AGO1: variants seen among roughly 807,000 people sequenced by gnomAD.
The protein encoded by AGO1 is argonaute RISC component 1, also known as protein argonaute-1.
A neutral mutation model predicts 109.2 loss-of-function variants in AGO1; 11 were observed. The observed-to-expected ratio is 0.10, with a 90% CI of 0.06 to 0.17. AGO1 has a LOEUF of 0.17. Among genes scored for constraint, AGO1 ranks in the 10% least tolerant of loss-of-function variants. AGO1 has a pLI of 1.00. For missense variants in AGO1, 574 were observed against 1,140.3 expected (o/e 0.50, Z 7.15); for synonymous variants, 422 against 418.6 (o/e 1.01, Z -0.10).
intron 8 of AGO1, among the ~76,000 whole-genome samples, chr1:35,897,130 G>T (rs1337791097): frequency 1.3e-5 from 2 of 152,194 alleles, no homozygotes; most frequent in Non-Finnish European, 2.9e-5. Flanking sequence ...CTAGAAGGGG[G>T]AGATAGACAA....
chr1:35,870,201 G>A (rs1014718580), intron 1 of AGO1, among the ~76,000 whole-genome samples: 1 of 151,994 alleles, frequency 6.6e-6, no homozygotes, highest in African/African-American at 2.4e-5. Flanking sequence ...CTAATCTCAG[G>A]TCACACTGCT....
intron 11 of AGO1, among the ~76,000 whole-genome samples, chr1:35,906,398 T>C (rs895623878): frequency 6.6e-6 from 1 of 152,226 alleles, no homozygotes; most frequent in Non-Finnish European, 1.5e-5. Context: ...GGGTCCCTTT[T>C]CTGGGCTTCC....
rs1571357723 is a variant in AGO1, at chr1:35,901,771, C to T, written c.1141-177C>T. 1.3e-5 allele frequency among the ~76,000 whole-genome samples: 2 copies of T among 152,338 alleles called. No individual in the cohort carries two copies. Among genetic ancestry groups the T allele is most frequent in the Non-Finnish European group, 2.9e-5 (2 of 68,032 alleles). ...CTTTGCTTTCTGTCTCTTTTTCTCTCCTGTATTACTTTGCTGTGTTATTCC... is the reference window on the plus strand; with the variant it reads ...CTTTGCTTTCTGTCTCTTTTTCTCTTCTGTATTACTTTGCTGTGTTATTCC... On this transcript the variant is annotated intron_variant, in intron 9 of 18. Transcript: ENST00000373204. The surrounding 1 kb of genome is among the most constrained non-coding windows in gnomAD (Gnocchi z 4.8).
intron 3 of AGO1, among the ~76,000 whole-genome samples, 185 bp downstream of exon 3, chr1:35,892,862 G>A (rs988674597): frequency 6.6e-6 from 1 of 152,162 alleles, no homozygotes; most frequent in Non-Finnish European, 1.5e-5. Context: ...GTCCTAAACA[G>A]ATTGAGATTA....
At chr1:35,914,541 C>T (rs907680651) in intron 14 of AGO1, among the ~76,000 whole-genome samples, 3 of 152,194 alleles carry the variant, frequency 2.0e-5, no homozygotes, top group African/African-American at 4.8e-5. Context: ...TTTCTTTCCC[C>T]ATGCCTGCTT....
chr1:35,871,412 G>A (rs771799801), intron 1 of AGO1, among the ~76,000 whole-genome samples: 21 of 151,720 alleles, frequency 1.4e-4, no homozygotes, highest in African/African-American at 3.2e-4. Flanking sequence ...GTATGGTGGC[G>A]CACACTTGTA....
rs940563221 is a variant in AGO1, at chr1:35,929,359, G to A, written c.*9752G>A. 1.3e-5 allele frequency: 2 copies of A among 152,232 alleles called. No homozygotes were observed. The highest frequency in any genetic ancestry group is 4.8e-5 in the African/African-American group (2 of 41,442). The allele number at this position is 152,232 out of a possible 1,614,324, so 9.4% of individuals were successfully genotyped here. A position where few individuals can be genotyped will look rare whatever the true frequency, so the allele number is the denominator to read the frequency against. ...ATTTACTGAGATGGATTGAATCAGA[G>A]GGTGTAAATTCTGCTCCATCAATGT... On this transcript the variant is annotated 3_prime_UTR_variant, in exon 19 of 19. Coordinates refer to ENST00000373204, the MANE Select transcript of AGO1 (RefSeq NM_012199.5).
rs963412510 is a variant in AGO1, at chr1:35,888,733, G to C, written c.209+123G>C. 1 of 1,044,616 alleles carries C rather than the reference G, an allele frequency of 9.6e-7. No homozygotes were observed. Among genetic ancestry groups the C allele is most frequent in the Middle Eastern group, 2.3e-4 (1 of 4,256 alleles). 64.7% of individuals were successfully genotyped at this position (1,044,616 alleles called of 1,614,324 possible). On this transcript the variant is annotated intron_variant, in intron 2 of 18. Transcript: ENST00000373204. This position sits in a 1 kb window ranked among gnomAD's most constrained non-coding sequence, Gnocchi z 4.1. ...CAAATCTAAGGAAGTTTTTGAACGGGAGATGCCACGTCGGGTAAATGCTGA... is the reference window on the plus strand; with the variant it reads ...CAAATCTAAGGAAGTTTTTGAACGGCAGATGCCACGTCGGGTAAATGCTGA...
chr1:35,912,900 C>T (rs1199467210), intron 12 of AGO1, among the ~76,000 whole-genome samples: 1 of 151,956 alleles, frequency 6.6e-6, no homozygotes, highest in Non-Finnish European at 1.5e-5. Context: ...AAGCTGGAAA[C>T]TTAAAAGTTA....
chr1:35,873,175 C>T (rs1337648465), intron 1 of AGO1: 1 of 152,004 alleles, frequency 6.6e-6, no homozygotes, highest in Non-Finnish European at 1.5e-5. Context: ...CTCTGATCAC[C>T]CCATCTCCCA....
At chr1:35,900,983 C>CTTTT in intron 8 of AGO1, among the ~76,000 whole-genome samples, 1 of 140,788 alleles carries the variant, frequency 7.1e-6, no homozygotes, top group Non-Finnish European at 1.6e-5. Context: ...TTGAATTGCC[C>CTTTT]TTTTTTTTTT....
intron 1 of AGO1, among the ~76,000 whole-genome samples, chr1:35,877,155 A>G (rs1644999297): frequency 6.6e-6 from 1 of 152,122 alleles, no homozygotes; most frequent in South Asian, 2.1e-4. Flanking sequence ...TGAACCGTGA[A>G]TCTGCATAGA....
In AGO1 at chr1:35,924,232, TCAG is replaced by T. The variant is rs889197162; in HGVS notation, c.*4646_*4648del. 1.8e-3 allele frequency: 278 copies of T among 154,262 alleles called. No homozygotes were observed. The highest frequency in any genetic ancestry group is 2.5e-3 in the Non-Finnish European group (173 of 68,724). 9.6% of individuals were successfully genotyped at this position (154,262 alleles called of 1,614,324 possible). ...ACAGTTCCTTCTGAAGCAAGCAACA[TCAG>T]CAGCAGCAGCAGCAGCAGCACAATT... On this transcript the variant is annotated 3_prime_UTR_variant, in exon 19 of 19. Coordinates refer to ENST00000373204, the MANE Select transcript of AGO1 (RefSeq NM_012199.5).
intron 6 of AGO1, 32 bp downstream of exon 6, chr1:35,894,203 G>T: frequency 6.4e-7 from 1 of 1,569,548 alleles, no homozygotes; most frequent in Admixed American, 1.8e-5. Flanking sequence ...AAGGGAAACA[G>T]CGCCACTTTA....
In AGO1 at chr1:35,928,087, G is replaced by A. The variant is rs1645964273; in HGVS notation, c.*8480G>A. 2 of 152,222 alleles carry A rather than the reference G, an allele frequency of 1.3e-5. No homozygotes were observed. Among genetic ancestry groups the A allele is most frequent in the African/African-American group, 2.4e-5 (1 of 41,446 alleles). 9.4% of individuals were successfully genotyped at this position (152,222 alleles called of 1,614,324 possible). A position where few individuals can be genotyped will look rare whatever the true frequency, so the allele number is the denominator to read the frequency against. ...AGAGTAGAATAATAGCGGCAGCAGG[G>A]AGGGAAGTGTGAACTGTGTGTCCCT... On this transcript the variant is annotated 3_prime_UTR_variant, in exon 19 of 19. Transcript: ENST00000373204.
At position 35,918,390 on chromosome 1, in the gene AGO1, T is replaced by G; in HGVS notation, c.2232T>G (p.Phe744Leu). Residue 744 changes from phenylalanine to leucine, a missense_variant, in exon 17 of 19, where the codon TTT becomes TTG. Phe to Leu is a conservative substitution (Grantham distance 22). Transcript: ENST00000373204. ...CCAACATCACCCACCCATTTGAGTT[T>G]GACTTCTATCTGTGCAGCCACGCAG... ...VDTNITHPFE[F>L]DFYLCSHAGI... 4 of 1,614,184 alleles carry G rather than the reference T, an allele frequency of 2.5e-6. No individual in the cohort carries two copies. Among genetic ancestry groups the G allele is most frequent in the Non-Finnish European group, 3.4e-6 (4 of 1,180,040 alleles).
chr1:35,916,401 G>A (rs540286188), intron 15 of AGO1, among the ~76,000 whole-genome samples: 2 of 151,944 alleles, frequency 1.3e-5, no homozygotes, highest in African/African-American at 4.8e-5. Context: ...ACAGAGTCTC[G>A]CTCTTGCCCA....
intron 11 of AGO1, among the ~76,000 whole-genome samples, chr1:35,904,620 A>T (rs1049758052): frequency 8.5e-5 from 13 of 152,188 alleles, no homozygotes; most frequent in Admixed American, 2.0e-4. Flanking sequence ...CAGAAACTCA[A>T]ACTTGGAAGA....
At position 35,901,943 on chromosome 1, in the gene AGO1, T is replaced by A; in HGVS notation, c.1141-5T>A. On this transcript the variant is annotated splice_polypyrimidine_tract_variant and splice_region_variant and intron_variant, in intron 9 of 18. Transcript: ENST00000373204. This position sits in a 1 kb window ranked among gnomAD's most constrained non-coding sequence, Gnocchi z 4.8. The stretch of plus-strand genomic sequence containing the variant: ...CTCCTGAGATTGCTCTCTTTTGTCC[T>A]GCAGATGAAGAATGCCAGCTACAAC... 1 of 1,580,576 alleles carries A rather than the reference T, an allele frequency of 6.3e-7. No homozygotes were observed. The highest frequency in any genetic ancestry group is 8.6e-7 in the Non-Finnish European group (1 of 1,164,036).
Sources: gnomAD v4.1 joint callset for allele counts (sites outside exome capture counted in the v4.1 genomes callset) on GRCh38, gnomAD v4.1.1 for gene constraint, Gnocchi (gnomAD v3.1) non-coding constraint, MANE v1.5 for transcripts, NCBI Gene and HGNC (gene_info 2026-07-23, HGNC 2026-07-21) for gene names.